Variants in CRADD observed in about 807,000 individuals in gnomAD.
The protein encoded by CRADD is death domain-containing protein CRADD.
In CRADD, 9 loss-of-function variants were observed where a neutral mutation model predicts 15.5. The observed-to-expected ratio is 0.58, with a 90% CI of 0.35 to 1.01. CRADD has a LOEUF of 1.01. Among genes scored for constraint, CRADD ranks in the 50% least tolerant of loss-of-function variants. CRADD has a pLI of 0.02. For synonymous variants in CRADD, 118 were observed against 107.6 expected, an observed-to-expected ratio of 1.10 and a Z score of -0.60; for missense variants, 227 against 250.3, an observed-to-expected ratio of 0.91 and a Z score of 0.63.
intron 2 of CRADD, among the ~76,000 whole-genome samples, chr12:93,727,212 A>C (rs1019680269): frequency 6.6e-6 from 1 of 152,146 alleles, no homozygotes; most frequent in African/African-American, 2.4e-5. Flanking sequence ...TGTGCATTTG[A>C]ATAATTGGAC....
At chr12:93,768,477 TAGGCAGC>T (rs1189978329) in intron 2 of CRADD, among the ~76,000 whole-genome samples, 5 of 151,322 alleles carry the variant, frequency 3.3e-5, no homozygotes, top group Non-Finnish European at 7.4e-5. Flanking sequence ...TAAAATGTTT[TAGGCAGC>T]AGGTGGTTTT....
intron 2 of CRADD, among the ~76,000 whole-genome samples, chr12:93,839,067 C>G (rs1473774891): frequency 6.6e-6 from 1 of 152,168 alleles, no homozygotes; most frequent in Non-Finnish European, 1.5e-5. Context: ...TCCATGGGTG[C>G]CCGGCCTGGA....
At chr12:93,775,369 C>T (rs1405959243) in intron 2 of CRADD, among the ~76,000 whole-genome samples, 1 of 152,160 alleles carries the variant, frequency 6.6e-6, no homozygotes, top group Non-Finnish European at 1.5e-5. Flanking sequence ...GGAAGACACA[C>T]ACCCGTGTAG....
At chr12:93,820,384 G>C (rs1957755818) in intron 2 of CRADD, among the ~76,000 whole-genome samples, 1 of 151,596 alleles carries the variant, frequency 6.6e-6, no homozygotes, top group South Asian at 2.1e-4. Context: ...TACTAAAAAA[G>C]AAAAAATACA....
At chr12:93,703,199 C>G (rs191504745) in intron 2 of CRADD, among the ~76,000 whole-genome samples, 15 of 151,808 alleles carry the variant, frequency 9.9e-5, no homozygotes, top group African/African-American at 3.4e-4. Flanking sequence ...AAAGTAGGTG[C>G]CATTAGGTGT....
intron 2 of CRADD, among the ~76,000 whole-genome samples, chr12:93,871,814 G>A (rs1399847937): frequency 6.6e-6 from 1 of 152,150 alleles, no homozygotes; most frequent in Non-Finnish European, 1.5e-5. Context: ...TTCATCTGTT[G>A]ATGGACACTT....
intron 2 of CRADD, among the ~76,000 whole-genome samples, chr12:93,742,454 C>G (rs1207493324): frequency 6.6e-6 from 1 of 150,810 alleles, no homozygotes; most frequent in Non-Finnish European, 1.5e-5. Flanking sequence ...GCTGCCTCTG[C>G]GGGCCCCGGC....
At chr12:93,704,918 A>G (rs1406081071) in intron 2 of CRADD, among the ~76,000 whole-genome samples, 3 of 152,150 alleles carry the variant, frequency 2.0e-5, no homozygotes, top group Non-Finnish European at 1.5e-5. Flanking sequence ...TTTTGCTCTA[A>G]TAAGTGGCTC....
chr12:93,783,657 A>G (rs982477434), intron 2 of CRADD, among the ~76,000 whole-genome samples: 3 of 152,174 alleles, frequency 2.0e-5, no homozygotes, highest in African/African-American at 7.2e-5. Context: ...CCATAAAATA[A>G]CATTTATTTA....
chr12:93,749,615 C>A (rs567590879), intron 2 of CRADD, among the ~76,000 whole-genome samples: 13 of 151,708 alleles, frequency 8.6e-5, no homozygotes, highest in Non-Finnish European at 1.9e-4. Flanking sequence ...GTTTTCTCTT[C>A]AAATCCAATT....
chr12:93,886,143 A>T (rs1454003729), intron 2 of CRADD, among the ~76,000 whole-genome samples: 1 of 147,580 alleles, frequency 6.8e-6, no homozygotes, highest in Admixed American at 6.8e-5. Context: ...TAAGATGGAC[A>T]TGCCTCTAGC....
intron 2 of CRADD, among the ~76,000 whole-genome samples, chr12:93,746,542 T>C (rs1403216945): frequency 6.6e-6 from 1 of 152,226 alleles, no homozygotes; most frequent in East Asian, 1.9e-4. Context: ...ATGAAGAATT[T>C]TTCTTTATTG....
chr12:93,715,187 G>A (rs775073289), intron 2 of CRADD, among the ~76,000 whole-genome samples: 3 of 152,024 alleles, frequency 2.0e-5, no homozygotes, highest in African/African-American at 4.8e-5. Context: ...AGAAGTTAAC[G>A]CCTTTGATTT....
At chr12:93,823,717 C>T (rs141149694) in intron 2 of CRADD, among the ~76,000 whole-genome samples, 127 of 152,190 alleles carry the variant, frequency 8.3e-4, no homozygotes, top group African/African-American at 2.9e-3. Flanking sequence ...CTGTGGTTCA[C>T]GCAGAAGTGG....
chr12:93,817,256 G>T (rs989961620), intron 2 of CRADD, among the ~76,000 whole-genome samples: 2 of 152,114 alleles, frequency 1.3e-5, no homozygotes, highest in African/African-American at 4.8e-5. Flanking sequence ...TCCCCAAGTG[G>T]CTCTGAGGTT....
chr12:93,842,030 C>G (rs1462884237), intron 2 of CRADD, among the ~76,000 whole-genome samples: 3 of 152,190 alleles, frequency 2.0e-5, no homozygotes, highest in Non-Finnish European at 4.4e-5. Context: ...CATCTCCTCT[C>G]ATATCACAAA....
intron 2 of CRADD, chr12:93,836,143 C>A (rs577099714): frequency 6.6e-6 from 1 of 152,100 alleles, no homozygotes; most frequent in Non-Finnish European, 1.5e-5. Context: ...TATCTCCTGT[C>A]GCTTCATGTA....
At chr12:93,689,321 T>C (rs1271586388) in intron 2 of CRADD, among the ~76,000 whole-genome samples, 1 of 152,218 alleles carries the variant, frequency 6.6e-6, no homozygotes, top group East Asian at 1.9e-4. Flanking sequence ...ACTTGTAGGC[T>C]GCTGTTATAG....
At chr12:93,704,155 C>T (rs1955897501) in intron 2 of CRADD, among the ~76,000 whole-genome samples, 1 of 151,728 alleles carries the variant, frequency 6.6e-6, no homozygotes, top group Non-Finnish European at 1.5e-5. Context: ...TTAATAATAG[C>T]AAAACTGGAA....
Sources: allele counts gnomAD v4.1 joint callset (sites outside exome capture counted in the v4.1 genomes callset), GRCh38; gene constraint gnomAD v4.1.1; transcripts MANE v1.5; gene names NCBI Gene and HGNC (gene_info 2026-07-23, HGNC 2026-07-21).